CALN1: variants seen among roughly 807,000 people sequenced by gnomAD.
CALN1 encodes calneuron 1.
Under a neutral mutation model 30.6 loss-of-function variants are expected in CALN1, and 17 were observed. That is an observed-to-expected ratio of 0.56 (90% CI 0.38 to 0.83). CALN1 has a LOEUF of 0.83. Among genes scored for constraint, CALN1 ranks in the 40% least tolerant of loss-of-function variants. The pLI is 0.00. For synonymous variants in CALN1, 156 were observed against 131.4 expected (o/e 1.19, Z -1.28); for missense variants, 291 against 354.9 (o/e 0.82, Z 1.45).
At chr7:72,369,313 ATAT>A (rs1382843209) in intron 2 of CALN1, among the ~76,000 whole-genome samples, 9 of 144,220 alleles carry the variant, frequency 6.2e-5, no homozygotes, top group African/African-American at 2.3e-4. Flanking sequence ...ATATTTATAA[ATAT>A]TTATAATATA....
At position 71,849,761 on chromosome 7, in the gene CALN1, A is replaced by G. The variant is rs536609820; in HGVS notation, c.502-39269T>C. ...TAGGCTCAATGGATCCTCCCACTTC[A>G]GCCTCCTAAGTGGCTGGGGCTATAG... On this transcript the variant is annotated intron_variant, in intron 5 of 6. Coordinates refer to ENST00000395275, the MANE Select transcript of CALN1 (RefSeq NM_031468.4). Among the ~76,000 whole-genome samples the G allele has an allele frequency of 2.0e-5, 3 of 152,114 alleles. No homozygotes were observed. In the South Asian group the frequency reaches 6.2e-4, roughly 32 times the overall value.
chr7:71,924,108 G>A (rs184933940), intron 5 of CALN1, among the ~76,000 whole-genome samples: 12 of 149,992 alleles, frequency 8.0e-5, no homozygotes, highest in South Asian at 4.2e-4. Flanking sequence ...CAGGAGAATC[G>A]CTTGAACCCA....
At chr7:72,158,398 A>T (rs1428053633) in intron 3 of CALN1, among the ~76,000 whole-genome samples, 1 of 152,198 alleles carries the variant, frequency 6.6e-6, no homozygotes, top group Non-Finnish European at 1.5e-5. Context: ...CATGAGGCAG[A>T]TCATATTGAA....
At chr7:72,030,802 A>G (rs770537088) in intron 4 of CALN1, among the ~76,000 whole-genome samples, 15 of 151,122 alleles carry the variant, frequency 9.9e-5, no homozygotes, top group Non-Finnish European at 1.6e-4. Context: ...GCTGGAGTGC[A>G]GTGGTGCCAT....
chr7:72,348,465 G>A (rs762906379), intron 2 of CALN1, among the ~76,000 whole-genome samples: 4 of 152,188 alleles, frequency 2.6e-5, no homozygotes, highest in African/African-American at 4.8e-5. Context: ...AGAGGAGAAG[G>A]CAACACAGAT....
intron 4 of CALN1, among the ~76,000 whole-genome samples, chr7:72,071,524 T>G (rs879247506): frequency 6.6e-6 from 1 of 152,130 alleles, no homozygotes; most frequent in Non-Finnish European, 1.5e-5. Flanking sequence ...TGCATATCCA[T>G]GAAAAGGTGC....
intron 2 of CALN1, among the ~76,000 whole-genome samples, chr7:72,375,086 T>C (rs1272824159): frequency 6.6e-6 from 1 of 152,212 alleles, no homozygotes; most frequent in East Asian, 1.9e-4. Context: ...GACATGGTAG[T>C]TGTATTAATT....
chr7:72,159,206 C>G (rs1164329295), intron 3 of CALN1, among the ~76,000 whole-genome samples: 1 of 152,114 alleles, frequency 6.6e-6, no homozygotes, highest in Non-Finnish European at 1.5e-5. Flanking sequence ...CTGATGAAGG[C>G]ACTTTTGGTT....
At position 72,403,296 on chromosome 7, in the gene CALN1, C is replaced by T. The variant is rs759101499; in HGVS notation, c.74G>A (p.Gly25Glu). 3 of 1,550,616 alleles carry T rather than the reference C, an allele frequency of 1.9e-6. No homozygotes were observed. Among genetic ancestry groups the T allele is most frequent in the East Asian group, 4.9e-5 (2 of 40,990 alleles). The change falls in exon 2 of 7, where the codon GGG (glycine) becomes GAG (glutamate). Residue 25 changes from glycine (G) to glutamate (E), a missense_variant. Physicochemically the swap from Gly to Glu is moderately conservative, Grantham distance 98. Transcript: ENST00000395275. ...CTGGCTCCTCGGCGGCTCCTCTCCC[C>T]CTCCGAGGGCTCCTCCGTCCCCCTT... ...EKKGDGGALG[G>E]GEEPPRSQAP...
At chr7:72,407,769 C>G (rs1806803188) in intron 1 of CALN1, among the ~76,000 whole-genome samples, 1 of 152,174 alleles carries the variant, frequency 6.6e-6, no homozygotes, top group Non-Finnish European at 1.5e-5. Flanking sequence ...CTAATACTGA[C>G]TGAGCTTCTC....
chr7:72,196,341 A>G (rs1236160281), intron 3 of CALN1, among the ~76,000 whole-genome samples: 2 of 151,768 alleles, frequency 1.3e-5, no homozygotes, highest in Non-Finnish European at 2.9e-5. Context: ...CTAGTCTCAA[A>G]CTCCTGAGCT....
intron 3 of CALN1, among the ~76,000 whole-genome samples, chr7:72,229,838 G>C (rs1342230261): frequency 6.6e-6 from 1 of 151,848 alleles, no homozygotes; most frequent in South Asian, 2.1e-4. Context: ...TGCATTTGCA[G>C]GGCTTAAAAC....
At chr7:72,130,095 T>G (rs1324397618) in intron 3 of CALN1, among the ~76,000 whole-genome samples, 2 of 152,106 alleles carry the variant, frequency 1.3e-5, no homozygotes, top group African/African-American at 2.4e-5. Context: ...TCTCTCACCA[T>G]GTGATCTCTT....
At chr7:72,385,329 C>G (rs534436654) in intron 2 of CALN1, among the ~76,000 whole-genome samples, 1 of 152,222 alleles carries the variant, frequency 6.6e-6, no homozygotes, top group South Asian at 2.1e-4. Context: ...ACACTATGTC[C>G]ACACAAAAAT....
At chr7:72,122,107 C>T (rs987405733) in intron 3 of CALN1, among the ~76,000 whole-genome samples, 4 of 151,880 alleles carry the variant, frequency 2.6e-5, no homozygotes, top group Non-Finnish European at 5.9e-5. Flanking sequence ...AAAGTAGGAA[C>T]TGCATCATTT....
intron 6 of CALN1, among the ~76,000 whole-genome samples, chr7:71,788,485 T>G (rs901698396): frequency 5.6e-5 from 8 of 142,722 alleles, no homozygotes; most frequent in South Asian, 4.6e-4. Flanking sequence ...GAGGTTTTTT[T>G]TTGTTGTTTT....
intron 5 of CALN1, among the ~76,000 whole-genome samples, chr7:71,818,415 C>T (rs1159076326): frequency 2.6e-5 from 4 of 151,942 alleles, no homozygotes; most frequent in South Asian, 2.1e-4. Context: ...TCTGAGGCTT[C>T]GAGTAGCCAG....
intron 2 of CALN1, among the ~76,000 whole-genome samples, chr7:72,315,426 A>G (rs1252108196): frequency 6.6e-6 from 1 of 152,094 alleles, no homozygotes; most frequent in African/African-American, 2.4e-5. Context: ...AAGCTAAAAC[A>G]CCAACACAAA....
At chr7:71,850,250 C>T (rs1161191297) in intron 5 of CALN1, among the ~76,000 whole-genome samples, 1 of 152,196 alleles carries the variant, frequency 6.6e-6, no homozygotes, top group Admixed American at 6.6e-5. Flanking sequence ...GAGTCTTGGT[C>T]TGTCACCCAG....
Sources: gnomAD v4.1 joint callset for allele counts (sites outside exome capture counted in the v4.1 genomes callset) on GRCh38, gnomAD v4.1.1 for gene constraint, MANE v1.5 for transcripts, NCBI Gene and HGNC (gene_info 2026-07-23, HGNC 2026-07-21) for gene names.